The following DGKB variants were observed in gnomAD, a reference collection of about 807,000 sequenced individuals.
The protein encoded by DGKB is 90 kDa diacylglycerol kinase.
A neutral mutation model predicts 114.3 loss-of-function variants in DGKB; 67 were observed. The ratio of observed to expected loss-of-function variants is 0.59; its 90% CI spans 0.48 to 0.72. The LOEUF (loss-of-function observed/expected upper bound fraction) is 0.72, where lower values mean the gene tolerates loss of function less well. DGKB is among the 30% of genes least tolerant of loss of function. The probability of loss-of-function intolerance (pLI) is 0.00; values close to 1 mark genes in which losing one functional copy is unlikely to be tolerated. For synonymous variants in DGKB, 398 were observed against 323.1 expected (o/e 1.23, Z -2.49); for missense variants, 907 against 975.2 (o/e 0.93, Z 0.93).
intron 2 of DGKB, among the ~76,000 whole-genome samples, chr7:14,805,963 T>C (rs1256738665): frequency 1.3e-5 from 2 of 151,404 alleles, no homozygotes; most frequent in East Asian, 3.9e-4. Flanking sequence ...CTAACTTTGA[T>C]TCTTTTTCTA....
At chr7:14,604,432 A>G (rs796070946) in intron 17 of DGKB, among the ~76,000 whole-genome samples, 37 of 152,284 alleles carry the variant, frequency 2.4e-4, no homozygotes, top group African/African-American at 8.7e-4. Flanking sequence ...GAATACATCA[A>G]TCTGGTGTGG....
intron 17 of DGKB, among the ~76,000 whole-genome samples, chr7:14,583,941 C>G (rs945076681): frequency 6.6e-6 from 1 of 152,090 alleles, no homozygotes; most frequent in Admixed American, 6.6e-5. Flanking sequence ...CTCCCTTGTC[C>G]CAAACATAAC....
At chr7:14,822,929 T>G (rs537057236) in intron 2 of DGKB, among the ~76,000 whole-genome samples, 13 of 152,204 alleles carry the variant, frequency 8.5e-5, no homozygotes, top group Non-Finnish European at 1.6e-4. Flanking sequence ...AAATATATTT[T>G]TCTACATAAT....
intron 13 of DGKB, among the ~76,000 whole-genome samples, chr7:14,653,135 C>T (rs1387531351): frequency 1.3e-5 from 2 of 149,664 alleles, no homozygotes; most frequent in African/African-American, 5.0e-5. Context: ...TACCATTTGA[C>T]CCAGCCATCC....
At chr7:14,557,844 T>G (rs1183181326) in intron 20 of DGKB, among the ~76,000 whole-genome samples, 1 of 151,806 alleles carries the variant, frequency 6.6e-6, no homozygotes, top group East Asian at 1.9e-4. Context: ...TCATTTAGAC[T>G]CCTTACATAT....
intron 2 of DGKB, among the ~76,000 whole-genome samples, chr7:14,782,625 G>T (rs1302576352): frequency 6.6e-6 from 1 of 152,042 alleles, no homozygotes; most frequent in Non-Finnish European, 1.5e-5. Flanking sequence ...TGATAAAATT[G>T]TAATAGAGAA....
intron 13 of DGKB, among the ~76,000 whole-genome samples, chr7:14,635,770 AG>A (rs1810632756): frequency 6.6e-6 from 1 of 151,538 alleles, no homozygotes; most frequent in African/African-American, 2.4e-5. Context: ...CCCCCTTCAA[AG>A]AACTCAGTAT....
At position 14,358,782 on chromosome 7, in the gene DGKB, G is replaced by A. The variant is rs141265048; in HGVS notation, c.1836-13391C>T. ...ACCTCTTCAAGGAGAACTACAAACC[G>A]CTGTTCAATGAAATAAAAGAGGTCA... On this transcript the variant is annotated intron_variant, in intron 21 of 25. Coordinates refer to ENST00000402815, the MANE Select transcript of DGKB (RefSeq NM_001350709.2). Among the ~76,000 whole-genome samples the A allele has an allele frequency of 6.1e-3, 925 of 152,070 alleles. 4 individuals are homozygous for A. The highest frequency in any genetic ancestry group is 0.014 in the Middle Eastern group (4 of 294).
rs1290863658 is a variant in DGKB, at chr7:14,736,330, A to G, written c.169-136T>C. 6 of 584,988 alleles carry G rather than the reference A, an allele frequency of 1.0e-5. No homozygotes were observed. The South Asian group carries it at 1.6e-4, about 16-fold the overall frequency. The allele number at this position is 584,988 out of a possible 1,614,324, so 36.2% of individuals were successfully genotyped here. A position where few individuals can be genotyped will look rare whatever the true frequency, so the allele number is the denominator to read the frequency against. ...CAAGTTTAACAAATGGAAAGTGCCT[A>G]TTTGAGAAATAGGGTGGGCCGTCCT... On this transcript the variant is annotated intron_variant, in intron 4 of 25. Coordinates refer to ENST00000402815, the MANE Select transcript of DGKB (RefSeq NM_001350709.2).
At chr7:14,540,820 G>T (rs1793300590) in intron 20 of DGKB, among the ~76,000 whole-genome samples, 1 of 152,184 alleles carries the variant, frequency 6.6e-6, no homozygotes, top group East Asian at 1.9e-4. Context: ...TATATTGGCT[G>T]AGGGGAAATG....
In DGKB at chr7:14,149,330, T is replaced by TAATA. The variant is rs1207423258; in HGVS notation, c.2305-96_2305-93dup. The TAATA allele has an allele frequency of 8.1e-6, 7 of 863,926 alleles. No homozygotes were observed. In the African/African-American group the frequency reaches 8.6e-5, roughly 11 times the overall value. The allele number at this position is 863,926 out of a possible 1,614,324, so 53.5% of individuals were successfully genotyped here. A position where few individuals can be genotyped will look rare whatever the true frequency, so the allele number is the denominator to read the frequency against. ...TTGTGAGACTCTCTGTTAAGGTTAA[T>TAATA]AATATTTCATGAGTGACTGAAACAC... On this transcript the variant is annotated intron_variant, in intron 25 of 25. Transcript: ENST00000402815.
At chr7:14,897,194 T>C (rs6980187) in intron 1 of DGKB, among the ~76,000 whole-genome samples, 6,267 of 152,066 alleles carry the variant, frequency 0.041, 208 homozygotes, top group Admixed American at 0.1. Flanking sequence ...CTACGTGTTA[T>C]ACAGTTCACA....
In DGKB at chr7:14,565,407, C is replaced by T. The variant is rs145421430; in HGVS notation, c.1770+8805G>A. On this transcript the variant is annotated intron_variant, in intron 20 of 25. Coordinates refer to ENST00000402815, the MANE Select transcript of DGKB (RefSeq NM_001350709.2). ...ATAAAATGGTTAGCATATTAAGCCA[C>T]TGAATTTTAGGAAGGTGATTCATAA... 9.9e-5 allele frequency among the ~76,000 whole-genome samples: 15 copies of T among 152,280 alleles called. No individual in the cohort carries two copies. In the East Asian group the frequency reaches 2.5e-3, roughly 25 times the overall value.
chr7:14,772,459 C>T (rs1312834903), intron 2 of DGKB, among the ~76,000 whole-genome samples: 3 of 152,094 alleles, frequency 2.0e-5, no homozygotes, highest in African/African-American at 7.2e-5. Flanking sequence ...TGTCTTACCA[C>T]ATTGGATAGT....
intron 17 of DGKB, among the ~76,000 whole-genome samples, chr7:14,605,388 A>ATG (rs111647761): frequency 0.035 from 5,101 of 147,058 alleles, 213 homozygotes; most frequent in African/African-American, 0.1. Flanking sequence ...ACACCTATAT[A>ATG]TGTGTGTGTG....
chr7:14,390,693 G>GGAA (rs1349343761), intron 21 of DGKB, among the ~76,000 whole-genome samples: 1 of 152,056 alleles, frequency 6.6e-6, no homozygotes, highest in African/African-American at 2.4e-5. Context: ...AAAAACAATA[G>GGAA]TGTTTCCAAA....
intron 1 of DGKB, among the ~76,000 whole-genome samples, chr7:14,841,944 A>G (rs901109163): frequency 3.3e-5 from 5 of 152,216 alleles, no homozygotes; most frequent in Non-Finnish European, 7.3e-5. Flanking sequence ...AGATTGGCCA[A>G]ATTAAAGCAA....
intron 23 of DGKB, among the ~76,000 whole-genome samples, chr7:14,267,122 T>C (rs2128423935): frequency 6.6e-6 from 1 of 152,308 alleles, no homozygotes; most frequent in African/African-American, 2.4e-5. Flanking sequence ...TTGATGTTTT[T>C]TCTATCAAGT....
intron 23 of DGKB, among the ~76,000 whole-genome samples, chr7:14,284,553 C>T (rs1463392299): frequency 1.4e-5 from 2 of 142,572 alleles, no homozygotes; most frequent in African/African-American, 3.0e-5. Flanking sequence ...TATAAAGACA[C>T]ATGCACACGT....
Sources: allele counts gnomAD v4.1 joint callset (sites outside exome capture counted in the v4.1 genomes callset), GRCh38; gene constraint gnomAD v4.1.1; transcripts MANE v1.5; gene names NCBI Gene and HGNC (gene_info 2026-07-23, HGNC 2026-07-21).